Variants in THSD4 observed in about 807,000 individuals in gnomAD.
THSD4 encodes the protein thrombospondin type-1 domain-containing protein 4.
In THSD4, 69 loss-of-function variants were observed where a neutral mutation model predicts 119.0. That is an observed-to-expected ratio of 0.58 (90% CI 0.48 to 0.71). The LOEUF (loss-of-function observed/expected upper bound fraction) is 0.71. Among genes scored for constraint, THSD4 ranks in the 30% least tolerant of loss-of-function variants. THSD4 has a pLI of 0.00. For synonymous variants in THSD4, 524 were observed against 540.4 expected, an observed-to-expected ratio of 0.97 and a Z score of 0.42; for missense variants, 1,393 against 1,391.1, an observed-to-expected ratio of 1.00 and a Z score of -0.02.
chr15:71,333,233 C>T (rs1433864057), intron 6 of THSD4, among the ~76,000 whole-genome samples: 1 of 152,066 alleles, frequency 6.6e-6, no homozygotes, highest in South Asian at 2.1e-4. Flanking sequence ...CTTCCTTTCT[C>T]TGGAGTCTCT....
intron 6 of THSD4, among the ~76,000 whole-genome samples, chr15:71,267,642 G>A (rs188785352): frequency 1.3e-5 from 2 of 152,284 alleles, no homozygotes; most frequent in Admixed American, 1.3e-4. Context: ...TGGGCTAAAT[G>A]CCCCAATTAA....
At chr15:71,487,846 T>C (rs1459522667) in intron 7 of THSD4, among the ~76,000 whole-genome samples, 1 of 152,172 alleles carries the variant, frequency 6.6e-6, no homozygotes, top group Non-Finnish European at 1.5e-5. Context: ...TGAAAGTTAT[T>C]GGCTTCTCTA....
At chr15:71,507,242 G>A (rs1033549057) in intron 7 of THSD4, among the ~76,000 whole-genome samples, 2 of 152,188 alleles carry the variant, frequency 1.3e-5, no homozygotes, top group African/African-American at 4.8e-5. Flanking sequence ...CTGCAAGCCA[G>A]TGTGCCACTT....
chr15:71,634,548 C>A (rs552113594), intron 7 of THSD4, among the ~76,000 whole-genome samples: 1 of 152,300 alleles, frequency 6.6e-6, no homozygotes, highest in South Asian at 2.1e-4. Context: ...ATTCTTAAAT[C>A]CCCATAAGAT....
chr15:71,547,147 G>A, intron 7 of THSD4: 2 of 1,231,920 alleles, frequency 1.6e-6, no homozygotes, highest in Non-Finnish European at 2.1e-6. Context: ...TTCTGTTAAA[G>A]GCAGCCCCCC....
At chr15:71,486,797 T>G (rs2047830157) in intron 7 of THSD4, among the ~76,000 whole-genome samples, 2 of 152,108 alleles carry the variant, frequency 1.3e-5, no homozygotes, top group Admixed American at 1.3e-4. Context: ...TTTTGGAGTG[T>G]GAGCTAGTGC....
chr15:71,457,637 C>T (rs981160428), intron 7 of THSD4, among the ~76,000 whole-genome samples: 1 of 152,152 alleles, frequency 6.6e-6, no homozygotes, highest in Non-Finnish European at 1.5e-5. Context: ...TTGACACTTG[C>T]TGGAACACTT....
chr15:71,708,695 G>T (rs2052443676), intron 8 of THSD4, among the ~76,000 whole-genome samples: 1 of 152,196 alleles, frequency 6.6e-6, no homozygotes, highest in Non-Finnish European at 1.5e-5. Flanking sequence ...TTCTGACCTG[G>T]AGTGTCTTTT....
At chr15:71,716,563 T>G (rs531239029) in intron 8 of THSD4, among the ~76,000 whole-genome samples, 59 of 110,206 alleles carry the variant, frequency 5.4e-4, no homozygotes, top group South Asian at 2.7e-3. Flanking sequence ...GAGTGTGGGG[T>G]GTGTGTGTGT....
At chr15:71,615,586 T>TTAGAA (rs1477710845) in intron 7 of THSD4, among the ~76,000 whole-genome samples, 1 of 152,162 alleles carries the variant, frequency 6.6e-6, no homozygotes, top group East Asian at 1.9e-4. Flanking sequence ...TCATCATCCT[T>TTAGAA]TAGAATAAGT....
At chr15:71,559,785 T>C (rs2049084108) in intron 7 of THSD4, among the ~76,000 whole-genome samples, 2 of 152,184 alleles carry the variant, frequency 1.3e-5, no homozygotes, top group African/African-American at 4.8e-5. Flanking sequence ...ACTCTCCTTT[T>C]GTGTAGCCGG....
At chr15:71,589,231 A>T (rs372092114) in intron 7 of THSD4, among the ~76,000 whole-genome samples, 6 of 88,514 alleles carry the variant, frequency 6.8e-5, no homozygotes, top group Non-Finnish European at 1.2e-4. Flanking sequence ...TGAATATATT[A>T]AAGGACATAG....
chr15:71,368,142 T>C (rs1240532580), intron 6 of THSD4, among the ~76,000 whole-genome samples: 3 of 152,334 alleles, frequency 2.0e-5, no homozygotes, highest in Middle Eastern at 3.4e-3. Flanking sequence ...TTTGTTTTTT[T>C]CTTGTAAATT....
At chr15:71,483,769 C>A (rs1315592970) in intron 7 of THSD4, among the ~76,000 whole-genome samples, 3 of 150,166 alleles carry the variant, frequency 2.0e-5, no homozygotes, top group Non-Finnish European at 4.4e-5. Context: ...CCCGACAGAC[C>A]CCAGTGTGTG....
chr15:71,255,203 C>A (rs2044301833), intron 5 of THSD4, among the ~76,000 whole-genome samples: 1 of 152,090 alleles, frequency 6.6e-6, no homozygotes. Context: ...AGGGGCCAGG[C>A]TCCTTTTCCT....
At chr15:71,399,307 A>G (rs2046492936) in intron 6 of THSD4, among the ~76,000 whole-genome samples, 3 of 152,174 alleles carry the variant, frequency 2.0e-5, no homozygotes, top group African/African-American at 7.2e-5. Context: ...TCTAACATAT[A>G]GTAGGTGCTC....
At chr15:71,460,851 C>T (rs138337136) in intron 7 of THSD4, among the ~76,000 whole-genome samples, 2 of 152,180 alleles carry the variant, frequency 1.3e-5, no homozygotes, top group East Asian at 3.9e-4. Flanking sequence ...TCCTGTGTCC[C>T]CGGTTTATAC....
At chr15:71,509,354 C>A (rs1006803718) in intron 7 of THSD4, among the ~76,000 whole-genome samples, 2 of 152,180 alleles carry the variant, frequency 1.3e-5, no homozygotes, top group Non-Finnish European at 2.9e-5. Flanking sequence ...GAACCGACTG[C>A]AAACACTGAT....
At chr15:71,158,671 G>C (rs1449377356) in intron 3 of THSD4, among the ~76,000 whole-genome samples, 1 of 146,760 alleles carries the variant, frequency 6.8e-6, no homozygotes, top group African/African-American at 2.6e-5. Flanking sequence ...TTTTGATGTT[G>C]AGTTATTTAA....
Sources: gnomAD v4.1 joint callset for allele counts (sites outside exome capture counted in the v4.1 genomes callset) on GRCh38, gnomAD v4.1.1 for gene constraint, MANE v1.5 for transcripts, NCBI Gene and HGNC (gene_info 2026-07-23, HGNC 2026-07-21) for gene names.